Variants in IQCM observed in about 807,000 individuals in gnomAD.
IQCM encodes IQ motif containing M.
IQCM carries 45 observed loss-of-function variants against 57.6 expected under a neutral mutation model. That is an observed-to-expected ratio of 0.78 (90% confidence interval 0.62 to 1.00). The LOEUF is 1.00. Among genes scored for constraint, IQCM ranks in the 50% least tolerant of loss-of-function variants. The probability of loss-of-function intolerance (pLI) is 0.00; values close to 1 mark genes in which losing one functional copy is unlikely to be tolerated. For synonymous variants in IQCM, 148 were observed against 158.9 expected, an observed-to-expected ratio of 0.93 and a Z score of 0.51; for missense variants, 468 against 511.6, an observed-to-expected ratio of 0.91 and a Z score of 0.82.
Position 149,763,422 on chromosome 4 carries a change from T to C in IQCM, c.-48-20683A>G, listed in dbSNP as rs987913573. ...GCAAAAGATGGGACTTTAAAGAGGT[T>C]TCTAGAGGAGAAAAAGAGGCTTAGA... On this transcript the variant is annotated intron_variant, in intron 2 of 13. Coordinates refer to ENST00000636793, the MANE Select transcript of IQCM (RefSeq NM_001363507.2). Among the ~76,000 whole-genome samples, 4 of 151,996 alleles carry C rather than the reference T, an allele frequency of 2.6e-5. 1 individual carries two copies. The highest frequency in any genetic ancestry group is 2.0e-4 in the Admixed American group (3 of 15,240).
intron 13 of IQCM, among the ~76,000 whole-genome samples, chr4:149,375,434 G>T (rs1730644388): frequency 6.6e-6 from 1 of 152,110 alleles, no homozygotes; most frequent in Non-Finnish European, 1.5e-5. Context: ...TAACACAAAG[G>T]AAAGTCCATA....
chr4:149,692,113 A>G (rs1762981672), intron 5 of IQCM, among the ~76,000 whole-genome samples: 1 of 152,172 alleles, frequency 6.6e-6, no homozygotes, highest in African/African-American at 2.4e-5. Context: ...AGATGTGAGT[A>G]CATGAGGTGT....
intron 13 of IQCM, among the ~76,000 whole-genome samples, chr4:149,393,149 G>A (rs1487929669): frequency 6.6e-6 from 1 of 151,758 alleles, no homozygotes; most frequent in Non-Finnish European, 1.5e-5. Context: ...CTCCAGTCTG[G>A]GCTACAGAGT....
chr4:149,410,229 C>T (rs1476572018), intron 13 of IQCM, among the ~76,000 whole-genome samples: 3 of 152,012 alleles, frequency 2.0e-5, no homozygotes, highest in Non-Finnish European at 4.4e-5. Flanking sequence ...CCACAGTTCT[C>T]ACAGCCAAAA....
intron 8 of IQCM, among the ~76,000 whole-genome samples, chr4:149,590,247 CTTTTTTTTTTT>C (rs71596214): frequency 1.9e-4 from 14 of 73,608 alleles, no homozygotes; most frequent in African/African-American, 4.9e-4. Flanking sequence ...TTTTTCTTTC[CTTTTTTTTTTT>C]TTTTTTTTTT....
chr4:149,468,774 A>G (rs184023820), intron 12 of IQCM, among the ~76,000 whole-genome samples: 256 of 152,160 alleles, frequency 1.7e-3, no homozygotes, highest in Non-Finnish European at 2.5e-3. Flanking sequence ...TCTGAGACAA[A>G]GCTTCCAAAG....
chr4:149,622,345 T>TG (rs1756414963), intron 7 of IQCM, among the ~76,000 whole-genome samples: 1 of 150,868 alleles, frequency 6.6e-6, no homozygotes, highest in Non-Finnish European at 1.5e-5. Context: ...TGGAATTCTT[T>TG]TTTATTTTTT....
intron 8 of IQCM, among the ~76,000 whole-genome samples, chr4:149,589,399 G>A (rs2150003559): frequency 6.6e-6 from 1 of 152,046 alleles, no homozygotes; most frequent in South Asian, 2.1e-4. Flanking sequence ...AGCCAAAAAT[G>A]TCTCTTCTAT....
In IQCM at chr4:149,611,251, T is replaced by G. The variant is rs575483560; in HGVS notation, c.681+9878A>C. ...GAGAAATGAAAAATGTAAATTACTA[T>G]AGCCACTATGAAGAACAGTATGGAG... is the stretch of plus-strand genomic sequence containing the variant. On this transcript the variant is annotated intron_variant, in intron 8 of 13. Transcript: ENST00000636793. 3.9e-5 allele frequency among the ~76,000 whole-genome samples: 6 copies of G among 151,986 alleles called. No homozygotes were observed. The South Asian group carries it at 1.0e-3, about 26-fold the overall frequency.
chr4:149,677,305 A>G (rs1175659683), intron 7 of IQCM, among the ~76,000 whole-genome samples: 3 of 152,222 alleles, frequency 2.0e-5, no homozygotes, highest in Admixed American at 2.0e-4. Context: ...CCAAAGGCCA[A>G]ATAAGAGTGG....
chr4:149,419,130 G>C (rs765273222), intron 13 of IQCM, among the ~76,000 whole-genome samples: 1 of 152,020 alleles, frequency 6.6e-6, no homozygotes, highest in Non-Finnish European at 1.5e-5. Flanking sequence ...CACAGCTATA[G>C]AAGAAACTAT....
At chr4:149,580,143 T>C (rs1286555275) in intron 9 of IQCM, among the ~76,000 whole-genome samples, 2 of 151,750 alleles carry the variant, frequency 1.3e-5, no homozygotes, top group Non-Finnish European at 2.9e-5. Context: ...AGAAGAGAAC[T>C]GAAACGCAAG....
At chr4:149,814,271 T>C (rs763968721) in intron 2 of IQCM, among the ~76,000 whole-genome samples, 4 of 152,042 alleles carry the variant, frequency 2.6e-5, no homozygotes, top group Admixed American at 1.3e-4. Flanking sequence ...ACTGGTCAAA[T>C]AATTTCACTC....
chr4:149,362,687 A>T (rs1183477885), intron 13 of IQCM, among the ~76,000 whole-genome samples: 1 of 152,164 alleles, frequency 6.6e-6, no homozygotes, highest in Non-Finnish European at 1.5e-5. Context: ...AGTCTAGGGT[A>T]TGTCTTTATC....
intron 13 of IQCM, chr4:149,429,839 A>T: frequency 2.5e-6 from 1 of 407,768 alleles, no homozygotes; most frequent in Non-Finnish European, 4.2e-6. Context: ...AAAAGATTCA[A>T]GGCTCTGGTA....
intron 8 of IQCM, among the ~76,000 whole-genome samples, chr4:149,591,646 C>A (rs753677194): frequency 3.0e-4 from 46 of 152,164 alleles, no homozygotes; most frequent in Non-Finnish European, 4.1e-4. Context: ...TGTTCCCCAC[C>A]CTGTGTCCAA....
chr4:149,363,836 T>C (rs112502005), intron 13 of IQCM, among the ~76,000 whole-genome samples: 49 of 152,288 alleles, frequency 3.2e-4, no homozygotes, highest in African/African-American at 1.1e-3. Flanking sequence ...TGGCATTCCA[T>C]ATATTCACTG....
At chr4:149,618,848 G>T (rs1029532255) in intron 8 of IQCM, among the ~76,000 whole-genome samples, 6 of 152,062 alleles carry the variant, frequency 3.9e-5, no homozygotes, top group African/African-American at 1.2e-4. Flanking sequence ...TGGTGAGGAT[G>T]CAGAGAAAAG....
At chr4:149,367,772 G>T (rs1331308453) in intron 13 of IQCM, among the ~76,000 whole-genome samples, 1 of 151,950 alleles carries the variant, frequency 6.6e-6, no homozygotes, top group East Asian at 1.9e-4. Flanking sequence ...CCAGCAATGT[G>T]GAACAGTGCA....
Sources: gnomAD v4.1 joint callset for allele counts (sites outside exome capture counted in the v4.1 genomes callset) on GRCh38, gnomAD v4.1.1 for gene constraint, MANE v1.5 for transcripts, NCBI Gene and HGNC (gene_info 2026-07-23, HGNC 2026-07-21) for gene names.